C1QTNF3: variants seen among roughly 807,000 people sequenced by gnomAD.
The protein encoded by C1QTNF3 is C1q and TNF related 3.
A neutral mutation model predicts 32.6 loss-of-function variants in C1QTNF3; 26 were observed. That is an observed-to-expected ratio of 0.80 (90% CI 0.58 to 1.11). The LOEUF is 1.11. C1QTNF3 is among the 50% of genes least tolerant of loss of function. The probability of loss-of-function intolerance (pLI) is 0.00; values close to 1 mark genes in which losing one functional copy is unlikely to be tolerated. For missense variants in C1QTNF3, 362 were observed against 398.2 expected (o/e 0.91, Z 0.77); for synonymous variants, 155 against 146.0 (o/e 1.06, Z -0.44).
chr5:34,028,478 A>G (rs1216475553), intron 4 of C1QTNF3, among the ~76,000 whole-genome samples: 1 of 152,218 alleles, frequency 6.6e-6, no homozygotes, highest in African/African-American at 2.4e-5. Context: ...AGTTAATAAT[A>G]TTAATGACTA....
chr5:34,054,823 T>C, the C1QTNF3 span, among the ~76,000 whole-genome samples: 1 of 152,238 alleles, frequency 6.6e-6, no homozygotes, highest in South Asian at 2.1e-4. Flanking sequence ...GTCCATGTTT[T>C]TTATCATCTC....
At chr5:34,028,028 A>T (rs1452738094) in intron 4 of C1QTNF3, among the ~76,000 whole-genome samples, 2 of 152,088 alleles carry the variant, frequency 1.3e-5, no homozygotes, top group Non-Finnish European at 2.9e-5. Flanking sequence ...GCTGGAGTGC[A>T]GTCGCGCGAT....
chr5:34,228,200 AT>A, the C1QTNF3 span, among the ~76,000 whole-genome samples: 2 of 151,910 alleles, frequency 1.3e-5, no homozygotes, highest in Admixed American at 1.3e-4. Context: ...GGTCTAAGGT[AT>A]TTCTTCTTTC....
the C1QTNF3 span, chr5:34,158,536 A>T: frequency 8.5e-5 from 13 of 152,312 alleles, no homozygotes; most frequent in African/African-American, 3.1e-4. Flanking sequence ...AGTTTCTTGT[A>T]AAGTGATTTT....
At position 34,018,430 on chromosome 5, in the gene C1QTNF3, T is replaced by C. The variant is rs1411567146; in HGVS notation, c.*2153A>G. ...TAAAAACATTCTACTTTATGTTTTG[T>C]TATCCATGTACTTATTCCCTTTAGC... On this transcript the variant is annotated 3_prime_UTR_variant, in exon 6 of 6. Coordinates refer to ENST00000382065, the MANE Select transcript of C1QTNF3 (RefSeq NM_181435.6). 6.6e-6 allele frequency among the ~76,000 whole-genome samples: 1 copy of C among 152,222 alleles called. No individual in the cohort carries two copies. The highest frequency in any genetic ancestry group is 2.4e-5 in the African/African-American group (1 of 41,474).
the C1QTNF3 span, among the ~76,000 whole-genome samples, chr5:34,208,042 G>T: frequency 6.6e-6 from 1 of 152,082 alleles, no homozygotes; most frequent in African/African-American, 2.4e-5. Flanking sequence ...TGCCCACCTT[G>T]GCCTCCCAAA....
At chr5:34,058,503 G>A in the C1QTNF3 span, among the ~76,000 whole-genome samples, 1 of 152,132 alleles carries the variant, frequency 6.6e-6, no homozygotes, top group East Asian at 1.9e-4. Flanking sequence ...CAGACCCCCA[G>A]GGGTCCCAGA....
chr5:34,173,922 C>T, the C1QTNF3 span, among the ~76,000 whole-genome samples: 6 of 152,014 alleles, frequency 3.9e-5, no homozygotes, highest in South Asian at 1.2e-3. Context: ...ACCAAAGTGT[C>T]AGTAGAGTCA....
At chr5:34,138,130 C>T in the C1QTNF3 span, among the ~76,000 whole-genome samples, 7 of 152,300 alleles carry the variant, frequency 4.6e-5, no homozygotes, top group South Asian at 1.0e-3. Context: ...ACCAAACCCG[C>T]TGACACCTTG....
At chr5:34,160,421 T>C in the C1QTNF3 span, among the ~76,000 whole-genome samples, 1 of 152,100 alleles carries the variant, frequency 6.6e-6, no homozygotes, top group African/African-American at 2.4e-5. Flanking sequence ...TCTCTACATA[T>C]ATAATTATAA....
the C1QTNF3 span, among the ~76,000 whole-genome samples, chr5:34,160,637 T>G: frequency 1.3e-5 from 2 of 152,144 alleles, no homozygotes; most frequent in African/African-American, 4.8e-5. Flanking sequence ...CACCACTTAC[T>G]AAATGTGTGA....
the C1QTNF3 span, among the ~76,000 whole-genome samples, chr5:34,054,803 T>C: frequency 6.6e-6 from 1 of 152,348 alleles, no homozygotes; most frequent in Non-Finnish European, 1.5e-5. Context: ...TGTCTGTATC[T>C]TCTACATCTG....
At chr5:34,180,562 T>C in the C1QTNF3 span, among the ~76,000 whole-genome samples, 2 of 152,426 alleles carry the variant, frequency 1.3e-5, no homozygotes, top group African/African-American at 4.8e-5. Context: ...AAATGACAAA[T>C]GGTGGCAGGA....
At chr5:34,226,271 G>T in the C1QTNF3 span, among the ~76,000 whole-genome samples, 1 of 151,764 alleles carries the variant, frequency 6.6e-6, no homozygotes, top group Admixed American at 6.6e-5. Context: ...ATTTTAAATG[G>T]TAATTAAAGC....
At chr5:34,169,231 A>G in the C1QTNF3 span, 1 of 152,178 alleles carries the variant, frequency 6.6e-6, no homozygotes, top group East Asian at 1.9e-4. Context: ...ACGAATTAAC[A>G]CAATTGTGAG....
the C1QTNF3 span, among the ~76,000 whole-genome samples, chr5:34,073,214 C>T: frequency 1.3e-5 from 2 of 151,602 alleles, no homozygotes; most frequent in African/African-American, 4.9e-5. Context: ...GTAGTCCCAG[C>T]TACTAGGGAA....
the C1QTNF3 span, among the ~76,000 whole-genome samples, chr5:34,210,468 T>C: frequency 0.014 from 2,191 of 152,068 alleles, 36 homozygotes; most frequent in South Asian, 0.034. Flanking sequence ...CTTAGGACAT[T>C]GACTAAAAAT....
At chr5:34,180,345 T>TG in the C1QTNF3 span, among the ~76,000 whole-genome samples, 1 of 152,256 alleles carries the variant, frequency 6.6e-6, no homozygotes, top group African/African-American at 2.4e-5. Flanking sequence ...CTCTGACTCG[T>TG]GGGGGAAAAA....
At chr5:34,133,774 T>C in the C1QTNF3 span, among the ~76,000 whole-genome samples, 3 of 152,150 alleles carry the variant, frequency 2.0e-5, no homozygotes, top group Non-Finnish European at 2.9e-5. Context: ...ATAATTATGA[T>C]AAAGAAGGAA....
Sources: allele counts gnomAD v4.1 joint callset (sites outside exome capture counted in the v4.1 genomes callset), GRCh38; gene constraint gnomAD v4.1.1; transcripts MANE v1.5; gene names NCBI Gene and HGNC (gene_info 2026-07-23, HGNC 2026-07-21).